The following CHST9 variants were observed in gnomAD, a reference collection of about 807,000 sequenced individuals.
CHST9 encodes GalNAc-4-sulfotransferase 2.
Under a neutral mutation model 44.4 loss-of-function variants are expected in CHST9, and 41 were observed. The ratio of observed to expected loss-of-function variants is 0.92; its 90% confidence interval spans 0.72 to 1.20. The LOEUF is 1.20. CHST9 is among the 50% of genes most tolerant of loss of function. The pLI, the probability that CHST9 is intolerant of heterozygous loss-of-function variation, is 0.00. For synonymous variants in CHST9, 171 were observed against 178.4 expected, an observed-to-expected ratio of 0.96 and a Z score of 0.33; for missense variants, 504 against 516.5, an observed-to-expected ratio of 0.98 and a Z score of 0.23.
intron 1 of CHST9, among the ~76,000 whole-genome samples, chr18:27,158,675 G>T (rs1262541103): frequency 6.6e-6 from 1 of 151,906 alleles, no homozygotes. Context: ...CTGAGGAATC[G>T]CCACACTGAC....
intron 4 of CHST9, among the ~76,000 whole-genome samples, chr18:26,961,156 T>A (rs1451219904): frequency 1.3e-5 from 2 of 152,300 alleles, no homozygotes; most frequent in East Asian, 3.9e-4. Flanking sequence ...TGAGCCTACA[T>A]CATTTCCTTT....
chr18:27,120,298 A>G (rs1390878431), intron 2 of CHST9, among the ~76,000 whole-genome samples: 1 of 152,202 alleles, frequency 6.6e-6, no homozygotes, highest in African/African-American at 2.4e-5. Context: ...TCTTCTCAGA[A>G]TACTCTTTCC....
rs1226689227 is a variant in CHST9, at chr18:26,917,021, A to T, written c.570T>A (p.Gly190=). 5 of 1,613,648 alleles carry T rather than the reference A, an allele frequency of 3.1e-6. No individual in the cohort carries two copies. The highest frequency in any genetic ancestry group is 4.2e-6 in the Non-Finnish European group (5 of 1,179,854). ...SFLQEFCKKY[G]GVSHHQSHLF... ...GATGTGACTGATGATGACTCACCCCACCGTATTTCTTGCAAAACTCCTGAA... is the reference window on the plus strand; with the variant it reads ...GATGTGACTGATGATGACTCACCCCTCCGTATTTCTTGCAAAACTCCTGAA... The change falls in exon 6 of 6, where the codon GGT becomes GGA. Residue 190 remains glycine, a synonymous_variant. Coordinates refer to ENST00000618847, the MANE Select transcript of CHST9 (RefSeq NM_031422.6).
intron 4 of CHST9, among the ~76,000 whole-genome samples, chr18:27,009,794 T>C (rs1191892823): frequency 2.0e-5 from 3 of 152,224 alleles, no homozygotes; most frequent in Admixed American, 6.5e-5. Context: ...TTTGGCATTA[T>C]TGAACTGTGA....
chr18:27,087,705 A>G (rs1169652841), intron 2 of CHST9, among the ~76,000 whole-genome samples: 1 of 152,220 alleles, frequency 6.6e-6, no homozygotes, highest in Non-Finnish European at 1.5e-5. Flanking sequence ...TTAAACTATA[A>G]GTATCTAATA....
intron 4 of CHST9, among the ~76,000 whole-genome samples, chr18:26,957,477 T>G (rs986396560): frequency 1.3e-5 from 2 of 152,070 alleles, no homozygotes; most frequent in African/African-American, 2.4e-5. Context: ...TGAGAGCTAT[T>G]TAGAAATAGG....
chr18:26,987,589 G>A (rs73402834), intron 4 of CHST9, among the ~76,000 whole-genome samples: 9,509 of 152,168 alleles, frequency 0.062, 398 homozygotes, highest in South Asian at 0.13. Context: ...TGGGGAAAAT[G>A]GAAGTATTAT....
At chr18:27,159,500 T>C (rs2143923252) in intron 1 of CHST9, among the ~76,000 whole-genome samples, 1 of 152,226 alleles carries the variant, frequency 6.6e-6, no homozygotes, top group East Asian at 1.9e-4. Flanking sequence ...CATGCTGTTT[T>C]GGTTACTGTA....
At position 26,974,474 on chromosome 18, in the gene CHST9, C is replaced by A. The variant is rs150860375; in HGVS notation, c.203-30108G>T. Among the ~76,000 whole-genome samples, 733 of 152,282 alleles carry A rather than the reference C, an allele frequency of 4.8e-3. 7 individuals carry two copies. The highest frequency in any genetic ancestry group is 0.017 in the African/African-American group (693 of 41,556). ...GTATGTTTTCTGTATTTTATAACTG[C>A]TGTTGAATTGATTTCTTCTGAAACC... On this transcript the variant is annotated intron_variant, in intron 4 of 5. Transcript: ENST00000618847.
At chr18:27,156,142 T>G (rs1272052023) in intron 1 of CHST9, among the ~76,000 whole-genome samples, 2 of 143,982 alleles carry the variant, frequency 1.4e-5, no homozygotes, top group African/African-American at 2.6e-5. Flanking sequence ...GGAATGAGGG[T>G]TAACTATGAA....
intron 2 of CHST9, among the ~76,000 whole-genome samples, chr18:27,131,989 T>C (rs2058475850): frequency 6.6e-6 from 1 of 152,214 alleles, no homozygotes; most frequent in African/African-American, 2.4e-5. Context: ...TATTAATTTA[T>C]GTCTTTGCCT....
At chr18:27,133,152 A>T (rs1051435419) in intron 2 of CHST9, among the ~76,000 whole-genome samples, 1 of 152,228 alleles carries the variant, frequency 6.6e-6, no homozygotes, top group Non-Finnish European at 1.5e-5. Context: ...TGCCAACAGA[A>T]CTAATGAAGG....
At chr18:27,162,985 G>A (rs1428220437) in intron 1 of CHST9, among the ~76,000 whole-genome samples, 1 of 152,096 alleles carries the variant, frequency 6.6e-6, no homozygotes, top group Admixed American at 6.5e-5. Context: ...TACAGATGGG[G>A]TTTTGGTGTG....
chr18:27,059,394 C>T (rs1470589265), intron 2 of CHST9, among the ~76,000 whole-genome samples: 1 of 152,236 alleles, frequency 6.6e-6, no homozygotes, highest in East Asian at 1.9e-4. Flanking sequence ...TTAAAATAGT[C>T]TTATTTTCCC....
intron 2 of CHST9, among the ~76,000 whole-genome samples, chr18:27,115,984 T>C (rs893825546): frequency 1.3e-5 from 2 of 152,222 alleles, no homozygotes; most frequent in Admixed American, 1.3e-4. Context: ...GTTTTTTAAT[T>C]GAGTTGTTTC....
chr18:27,109,371 T>C (rs150585656), intron 2 of CHST9, among the ~76,000 whole-genome samples: 20 of 152,342 alleles, frequency 1.3e-4, no homozygotes, highest in South Asian at 6.2e-4. Flanking sequence ...AGTGGTATTT[T>C]TCTATGGTAT....
At chr18:26,943,775 G>A (rs1423882910) in intron 5 of CHST9, among the ~76,000 whole-genome samples, 2 of 152,266 alleles carry the variant, frequency 1.3e-5, no homozygotes, top group East Asian at 3.9e-4. Context: ...CATCTACCTA[G>A]AAATACAAAA....
intron 3 of CHST9, among the ~76,000 whole-genome samples, chr18:27,045,429 A>G (rs1049942586): frequency 3.9e-5 from 6 of 151,994 alleles, no homozygotes; most frequent in Non-Finnish European, 8.8e-5. Context: ...CTTTCTTCTG[A>G]TGAGATAAAG....
intron 2 of CHST9, among the ~76,000 whole-genome samples, chr18:27,055,937 CGTGT>C (rs35128328): frequency 1.2e-4 from 18 of 147,438 alleles, no homozygotes; most frequent in African/African-American, 3.5e-4. Flanking sequence ...TTCTCTCTTT[CGTGT>C]GTGTGTGTGT....
Sources: gnomAD v4.1 joint callset for allele counts (sites outside exome capture counted in the v4.1 genomes callset) on GRCh38, gnomAD v4.1.1 for gene constraint, MANE v1.5 for transcripts, NCBI Gene and HGNC (gene_info 2026-07-23, HGNC 2026-07-21) for gene names.